PLD5: variants seen among roughly 807,000 people sequenced by gnomAD.
PLD5 encodes the protein phospholipase D family member 5.
A neutral mutation model predicts 61.1 loss-of-function variants in PLD5; 36 were observed. The ratio of observed to expected loss-of-function variants is 0.59; its 90% CI spans 0.45 to 0.78. The LOEUF (loss-of-function observed/expected upper bound fraction) is 0.78. PLD5 is among the 30% of genes least tolerant of loss of function. The pLI is 0.00. For synonymous variants in PLD5, 243 were observed against 242.8 expected (o/e 1.00, Z -0.01); for missense variants, 515 against 644.4 (o/e 0.80, Z 2.17).
At chr1:242,134,804 C>T (rs1428999301) in intron 5 of PLD5, among the ~76,000 whole-genome samples, 1 of 152,156 alleles carries the variant, frequency 6.6e-6, no homozygotes, top group Non-Finnish European at 1.5e-5. Context: ...TGAAAGGAAA[C>T]CTGACATCTA....
At chr1:242,435,841 T>G (rs1665969456) in intron 1 of PLD5, among the ~76,000 whole-genome samples, 1 of 152,184 alleles carries the variant, frequency 6.6e-6, no homozygotes, top group East Asian at 1.9e-4. Flanking sequence ...AGATTAAAAT[T>G]ACTTTAGATA....
At chr1:242,144,329 G>A (rs2636258) in intron 5 of PLD5, among the ~76,000 whole-genome samples, 30,988 of 151,838 alleles carry the variant, frequency 0.2, 3,281 homozygotes, top group Middle Eastern at 0.22. Context: ...AAGTCAGCTT[G>A]GGGTATTAAG....
chr1:242,154,248 A>G (rs1434138343), intron 5 of PLD5, among the ~76,000 whole-genome samples: 1 of 152,202 alleles, frequency 6.6e-6, no homozygotes, highest in Non-Finnish European at 1.5e-5. Flanking sequence ...TTTTGGGCTG[A>G]GAAGATGGGG....
At chr1:242,152,194 C>T (rs545649449) in intron 5 of PLD5, among the ~76,000 whole-genome samples, 11 of 152,078 alleles carry the variant, frequency 7.2e-5, no homozygotes, top group African/African-American at 2.7e-4. Flanking sequence ...GGCTGCTCAC[C>T]TTCCCTGTCG....
rs1169210102 is a variant in PLD5 at position 242,341,718 on chromosome 1, C to A, written c.326+6388G>T. On this transcript the variant is annotated intron_variant, in intron 2 of 9. Coordinates refer to ENST00000536534, the MANE Select transcript of PLD5 (RefSeq NM_001372062.1). ...TTACATGGGACCCCTTTTGTACAGA[C>A]CCAAATCTATTCAATTTAGGATGAA... Among the ~76,000 whole-genome samples, 6 of 139,720 alleles carry A rather than the reference C, an allele frequency of 4.3e-5. No homozygotes were observed. In the East Asian group the frequency reaches 1.2e-3, roughly 28 times the overall value. 91.7% of individuals were successfully genotyped at this position (139,720 alleles called of 152,430 possible).
chr1:242,148,511 A>T (rs1055149202), intron 5 of PLD5, among the ~76,000 whole-genome samples: 10 of 151,878 alleles, frequency 6.6e-5, no homozygotes, highest in Non-Finnish European at 1.3e-4. Flanking sequence ...CCATTTGTCA[A>T]TTTTTGTGAA....
intron 5 of PLD5, among the ~76,000 whole-genome samples, chr1:242,138,403 G>T (rs1018587784): frequency 1.3e-5 from 2 of 152,014 alleles, no homozygotes; most frequent in Non-Finnish European, 2.9e-5. Flanking sequence ...CATTCTGTAG[G>T]ATTCAAGTAA....
chr1:242,305,000 G>A (rs575867478), intron 2 of PLD5, among the ~76,000 whole-genome samples: 148 of 152,224 alleles, frequency 9.7e-4, no homozygotes, highest in Middle Eastern at 3.4e-3. Flanking sequence ...CAGCTACCCC[G>A]GAGGCAGAGG....
At chr1:242,523,582 C>A (rs998786674) in intron 1 of PLD5, among the ~76,000 whole-genome samples, 8 of 152,198 alleles carry the variant, frequency 5.3e-5, no homozygotes, top group African/African-American at 1.9e-4. Context: ...CTCATCCCAG[C>A]GGACACTCTG....
intron 5 of PLD5, among the ~76,000 whole-genome samples, chr1:242,126,277 A>G (rs1662776739): frequency 6.6e-6 from 1 of 152,228 alleles, no homozygotes; most frequent in African/African-American, 2.4e-5. Context: ...CCATCAAAAT[A>G]CCACCATCAT....
chr1:242,227,564 G>C (rs759219094), intron 4 of PLD5, among the ~76,000 whole-genome samples: 1 of 151,708 alleles, frequency 6.6e-6, no homozygotes, highest in African/African-American at 2.4e-5. Flanking sequence ...GGGTTTCACT[G>C]TGTTGCTCAG....
At chr1:242,352,335 T>G (rs1660524586) in intron 1 of PLD5, among the ~76,000 whole-genome samples, 1 of 152,234 alleles carries the variant, frequency 6.6e-6, no homozygotes, top group African/African-American at 2.4e-5. Context: ...GGCTTATCAC[T>G]TAGCATATGT....
chr1:242,405,063 T>C (rs1472398051), intron 1 of PLD5, among the ~76,000 whole-genome samples: 1 of 151,822 alleles, frequency 6.6e-6, no homozygotes. Flanking sequence ...GTATTTTAAA[T>C]AGAGATGGAG....
intron 1 of PLD5, among the ~76,000 whole-genome samples, chr1:242,435,572 A>G (rs767151848): frequency 6.6e-6 from 1 of 152,206 alleles, no homozygotes; most frequent in Non-Finnish European, 1.5e-5. Context: ...CTGTGAGTTC[A>G]GTGTTAATGA....
Position 242,479,005 on chromosome 1 carries a change from T to C in PLD5, c.189+45083A>G, listed in dbSNP as rs187072331. ...AAGACATTTTAATGATATTGTTTAATGGAAATGAAGTATACAAAGTAGGAT... is the reference window on the plus strand; with the variant it reads ...AAGACATTTTAATGATATTGTTTAACGGAAATGAAGTATACAAAGTAGGAT... On this transcript the variant is annotated intron_variant, in intron 1 of 9. Coordinates refer to ENST00000536534, the MANE Select transcript of PLD5 (RefSeq NM_001372062.1). Among the ~76,000 whole-genome samples the C allele has an allele frequency of 3.9e-4, 60 of 152,338 alleles. No homozygotes were observed. The East Asian group carries it at 0.011, about 27-fold the overall frequency.
chr1:242,372,948 C>G (rs1300778775), intron 1 of PLD5, among the ~76,000 whole-genome samples: 1 of 152,136 alleles, frequency 6.6e-6, no homozygotes, highest in African/African-American at 2.4e-5. Context: ...CAAATGGGAT[C>G]TAATTAAACT....
intron 1 of PLD5, among the ~76,000 whole-genome samples, chr1:242,510,380 T>C (rs926031712): frequency 6.6e-6 from 1 of 152,188 alleles, no homozygotes; most frequent in Non-Finnish European, 1.5e-5. Context: ...AGAAAGTGTC[T>C]GTACACACAT....
chr1:242,190,114 A>ATCTGTATTT (rs1256050107), intron 5 of PLD5, among the ~76,000 whole-genome samples: 1 of 126,970 alleles, frequency 7.9e-6, no homozygotes, highest in Non-Finnish European at 1.7e-5. Flanking sequence ...CTCGGACCTT[A>ATCTGTATTT]TCTGTATTTT....
intron 1 of PLD5, among the ~76,000 whole-genome samples, chr1:242,358,015 G>A (rs1660854044): frequency 6.6e-6 from 1 of 152,106 alleles, no homozygotes; most frequent in Non-Finnish European, 1.5e-5. Flanking sequence ...TGATCAAGCA[G>A]ACTGTTGAAG....
Sources: allele counts gnomAD v4.1 joint callset (sites outside exome capture counted in the v4.1 genomes callset), GRCh38; gene constraint gnomAD v4.1.1; transcripts MANE v1.5; gene names NCBI Gene and HGNC (gene_info 2026-07-23, HGNC 2026-07-21).